The following CENPC variants were observed in gnomAD, a reference collection of about 807,000 sequenced individuals.
CENPC encodes the protein CENP-C 1.
Under a neutral mutation model 112.1 loss-of-function variants are expected in CENPC, and 63 were observed. The ratio of observed to expected loss-of-function variants is 0.56; its 90% CI spans 0.46 to 0.69. The LOEUF (loss-of-function observed/expected upper bound fraction) is 0.69, where lower values mean the gene tolerates loss of function less well. Ranked by LOEUF, CENPC falls within the 30% of genes least tolerant of loss-of-function variation. The pLI is 0.00. For missense variants in CENPC, 1,000 were observed against 1,103.8 expected, an observed-to-expected ratio of 0.91 and a Z score of 1.33; for synonymous variants, 333 against 367.6, an observed-to-expected ratio of 0.91 and a Z score of 1.08.
chr4:67,522,384 C>G (rs1441703607), intron 5 of CENPC, among the ~76,000 whole-genome samples: 1 of 152,114 alleles, frequency 6.6e-6, no homozygotes, highest in Non-Finnish European at 1.5e-5. Flanking sequence ...AAGTCTGAGC[C>G]CTGGAATCAT....
chr4:67,477,914 G>A (rs950596389), intron 17 of CENPC, among the ~76,000 whole-genome samples: 8 of 151,674 alleles, frequency 5.3e-5, no homozygotes, highest in Admixed American at 5.3e-4. Flanking sequence ...AAATACATTA[G>A]AAAGTTTTAA....
intron 7 of CENPC, among the ~76,000 whole-genome samples, chr4:67,515,484 A>G (rs1476186498): frequency 6.6e-6 from 1 of 150,736 alleles, no homozygotes; most frequent in Non-Finnish European, 1.5e-5. Flanking sequence ...AAAAAAAAAG[A>G]GAGAGAGAGA....
At chr4:67,523,265 A>ATC (rs1560438706) in intron 5 of CENPC, among the ~76,000 whole-genome samples, 1 of 151,694 alleles carries the variant, frequency 6.6e-6, no homozygotes, top group Admixed American at 6.6e-5. Flanking sequence ...GTGAGCCGAG[A>ATC]TCACGCCACT....
At chr4:67,505,006 G>C in intron 12 of CENPC, 199 bp downstream of exon 12, 1 of 552,128 alleles carries the variant, frequency 1.8e-6, no homozygotes, top group East Asian at 3.2e-5. Flanking sequence ...ATTTCATTAT[G>C]TTCTACTTAA....
intron 6 of CENPC, 125 bp downstream of exon 6, chr4:67,519,092 T>C (rs1726141775): frequency 2.9e-6 from 2 of 692,990 alleles, no homozygotes; most frequent in African/African-American, 3.6e-5. Context: ...ATGTATACTT[T>C]CTCATAACAT....
In CENPC at chr4:67,517,414, G is replaced by A. The variant is rs118131518; in HGVS notation, c.830+742C>T. ...TGATCTCAAGTGATCCACCCGCCTC[G>A]GCCTATCAAAGTGCTAGCATTACAG... is the stretch of plus-strand genomic sequence containing the variant. On this transcript the variant is annotated intron_variant, in intron 7 of 18. Coordinates refer to ENST00000273853, the MANE Select transcript of CENPC (RefSeq NM_001812.4). 1.4e-3 allele frequency among the ~76,000 whole-genome samples: 214 copies of A among 151,368 alleles called. 1 individual carries two copies. The East Asian group carries it at 0.039, about 28-fold the overall frequency.
chr4:67,489,013 T>C (rs1725164273), intron 17 of CENPC, among the ~76,000 whole-genome samples: 1 of 151,990 alleles, frequency 6.6e-6, no homozygotes, highest in African/African-American at 2.4e-5. Flanking sequence ...TGTGATACTT[T>C]AGTAGCACAA....
intron 5 of CENPC, among the ~76,000 whole-genome samples, chr4:67,523,091 A>G (rs900580172): frequency 2.0e-5 from 3 of 152,036 alleles, no homozygotes; most frequent in Non-Finnish European, 4.4e-5. Flanking sequence ...GCAGGCGGAT[A>G]ACTTGAGGTC....
rs114326582 is a variant in CENPC, at chr4:67,508,908, C to T, written c.1810G>A (p.Val604Ile). 1,922 of 1,613,644 alleles carry T rather than the reference C, an allele frequency of 1.2e-3. 25 individuals carry two copies. In the African/African-American group the frequency reaches 0.023, roughly 20 times the overall value. Residue 604 changes from valine (V) to isoleucine (I), a missense_variant, in exon 10 of 19, where the codon GTT becomes ATT. By Grantham distance (29) the Val-to-Ile change is conservative. Transcript: ENST00000273853. ...FLNAEGSGGI[V>I]GHDEISRCSL... ...CATCTGGAAATTTCATCATGACCAA[C>T]GATACCTCCAGAACCTTCAGCATTT...
intron 5 of CENPC, among the ~76,000 whole-genome samples, chr4:67,520,365 T>G (rs1380587720): frequency 2.0e-5 from 3 of 152,026 alleles, no homozygotes; most frequent in Admixed American, 6.6e-5. Flanking sequence ...CCCCTGACCT[T>G]CACAGCCCAA....
chr4:67,473,451 C>T (rs983847108), intron 18 of CENPC, among the ~76,000 whole-genome samples: 19 of 152,256 alleles, frequency 1.2e-4, no homozygotes, highest in African/African-American at 4.6e-4. Context: ...ATTATTGTCT[C>T]CTTCCAACAG....
chr4:67,481,276 C>G (rs1389001423), intron 17 of CENPC, among the ~76,000 whole-genome samples: 1 of 152,172 alleles, frequency 6.6e-6, no homozygotes, highest in African/African-American at 2.4e-5. Context: ...AATGAAAACA[C>G]ATCCCATGCT....
At position 67,518,362 on chromosome 4, in the gene CENPC, G is replaced by C; in HGVS notation, c.624C>G (p.Asn208Lys). Reference protein sequence around the residue: ...EVSVKTKKRLNFDDKVMLKKI... With the variant: ...EVSVKTKKRLKFDDKVMLKKI... ...TCTTTAACATAACTTTATCATCAAA[G>C]TTTAACCTAAAAGGTTAAAAGGAGG... The change falls in exon 7 of 19, where the codon AAC becomes AAG. Residue 208 changes from asparagine to lysine, a missense_variant. Asn to Lys is a moderately conservative substitution (Grantham distance 94). Transcript: ENST00000273853. The C allele has an allele frequency of 6.6e-7, 1 of 1,523,752 alleles. No individual in the cohort carries two copies. Among genetic ancestry groups the C allele is most frequent in the Non-Finnish European group, 8.8e-7 (1 of 1,139,790 alleles). The allele number at this position is 1,523,752 out of a possible 1,614,324, so 94.4% of individuals were successfully genotyped here.
chr4:67,492,206 G>T lies in CENPC; in HGVS notation c.2489C>A (p.Pro830Gln), dbSNP rs868470256. The change falls in exon 16 of 19, where the codon CCA (proline) becomes CAA (glutamine). Residue 830 changes from proline to glutamine, a missense_variant. Transcript: ENST00000273853. Reference protein sequence around the residue: ...DPLQPTRVKDPETREIILMDL... With the variant: ...DPLQPTRVKDQETREIILMDL... ...CATGAGAATAATCTCTCTTGTTTCT[G>T]GGTCCTTTACCCTCGTTGGCTGCAA... is the stretch of plus-strand genomic sequence containing the variant. The T allele has an allele frequency of 6.4e-7, 1 of 1,565,732 alleles. No individual in the cohort carries two copies. Among genetic ancestry groups the T allele is most frequent in the East Asian group, 2.3e-5 (1 of 43,162 alleles).
Position 67,519,500 on chromosome 4 carries a change from G to A in CENPC, c.334C>T (p.Gln112Ter). ...EPSEATNRSV[Q>*]AHEVHQKILA... ...ATTTTCTGATGAACTTCATGGGCCT[G>A]AACTAGAAGAAAATTATATAAAGAT... The change falls in exon 6 of 19, where the codon CAG becomes TAG. Residue 112 changes from glutamine (Q) to a stop codon, truncating the protein, a stop_gained and splice_region_variant. Coordinates refer to ENST00000273853, the MANE Select transcript of CENPC (RefSeq NM_001812.4). LOFTEE classifies it high-confidence loss of function. 1 of 1,492,446 alleles carries A rather than the reference G, an allele frequency of 6.7e-7. No homozygotes were observed. The highest frequency in any genetic ancestry group is 9.0e-7 in the Non-Finnish European group (1 of 1,115,466). The allele number at this position is 1,492,446 out of a possible 1,614,324, so 92.5% of individuals were successfully genotyped here.
At chr4:67,509,768 T>C (rs1004082598) in intron 9 of CENPC, among the ~76,000 whole-genome samples, 2 of 152,020 alleles carry the variant, frequency 1.3e-5, no homozygotes, top group African/African-American at 4.8e-5. Context: ...ACAGTCTCTT[T>C]ACTAATCTCC....
Position 67,492,862 on chromosome 4 carries a change from T to C in CENPC, c.2419+7A>G. The C allele has an allele frequency of 6.5e-7, 1 of 1,545,450 alleles. No homozygotes were observed. The highest frequency in any genetic ancestry group is 8.8e-7 in the Non-Finnish European group (1 of 1,141,314). On this transcript the variant is annotated splice_region_variant and intron_variant, in intron 15 of 18. Transcript: ENST00000273853. ...TCTAAAAGTTACTTTCAGAAATAAGTTCATACTTCTTTCATCGTTATCAAG... is the reference window on the plus strand; with the variant it reads ...TCTAAAAGTTACTTTCAGAAATAAGCTCATACTTCTTTCATCGTTATCAAG...
chr4:67,519,130 AATAAT>A, intron 6 of CENPC, 82 bp downstream of exon 6: 2 of 960,328 alleles, frequency 2.1e-6, no homozygotes, highest in Non-Finnish European at 3.0e-6. Context: ...CTTAGTGTAA[AATAAT>A]ATAACAAGAT....
chr4:67,496,161 T>C (rs185873406), intron 12 of CENPC, among the ~76,000 whole-genome samples: 99 of 152,320 alleles, frequency 6.5e-4, no homozygotes, highest in Non-Finnish European at 1.2e-3. Context: ...AAAAGCCACA[T>C]GGAGGAAAAG....
Sources: gnomAD v4.1 joint callset for allele counts (sites outside exome capture counted in the v4.1 genomes callset) on GRCh38, gnomAD v4.1.1 for gene constraint, MANE v1.5 for transcripts, NCBI Gene and HGNC (gene_info 2026-07-23, HGNC 2026-07-21) for gene names.